TRPM2: variants seen among roughly 807,000 people sequenced by gnomAD.
TRPM2 encodes the protein transient receptor potential cation channel subfamily M member 2.
In TRPM2, 161 loss-of-function variants were observed where a neutral mutation model predicts 174.0. The observed-to-expected ratio is 0.93, with a 90% CI of 0.81 to 1.05. The LOEUF is 1.05. TRPM2 is among the 50% of genes least tolerant of loss of function. TRPM2 has a pLI of 0.00. For missense variants in TRPM2, 2,057 were observed against 2,038.0 expected (o/e 1.01, Z -0.18); for synonymous variants, 954 against 861.3 (o/e 1.11, Z -1.88).
Position 44,437,087 on chromosome 21 carries a change from A to G in TRPM2, c.4087A>G (p.Ile1363Val). The G allele has an allele frequency of 6.4e-7, 1 of 1,551,128 alleles. No individual in the cohort carries two copies. Among genetic ancestry groups the G allele is most frequent in the Non-Finnish European group, 8.7e-7 (1 of 1,146,872 alleles). ...TRWRRNEDGA[I>V]CRKSIKKMLE... Reference sequence around the variant, plus strand: ...GTGGAGGCGGAACGAGGATGGAGCCATCTGCAGGAAGAGCATAAAGAAGAT... The same window carrying G: ...GTGGAGGCGGAACGAGGATGGAGCCGTCTGCAGGAAGAGCATAAAGAAGAT... The change falls in exon 29 of 32, where the codon ATC (isoleucine) becomes GTC (valine). Residue 1363 changes from isoleucine to valine, a missense_variant. Physicochemically the swap from Ile to Val is conservative, Grantham distance 29. Coordinates refer to ENST00000397928, the MANE Select transcript of TRPM2 (RefSeq NM_003307.4).
intron 16 of TRPM2, among the ~76,000 whole-genome samples, chr21:44,403,645 GCACACATGCA>G (rs1332620713): frequency 6.8e-6 from 1 of 147,566 alleles, no homozygotes; most frequent in Admixed American, 6.7e-5. Context: ...ATACACACAT[GCACACATGCA>G]CACACATGCA....
chr21:44,362,365 A>AAAAAAAAAAG (rs1201529326), intron 2 of TRPM2, among the ~76,000 whole-genome samples: 5 of 144,378 alleles, frequency 3.5e-5, no homozygotes, highest in African/African-American at 1.0e-4. Flanking sequence ...AAAAAAAAAA[A>AAAAAAAAAAG]GCCAGATGTG....
At chr21:44,423,485 T>C (rs965963370) in intron 22 of TRPM2, 160 bp from the exon 23 acceptor site, 1 of 649,778 alleles carries the variant, frequency 1.5e-6, no homozygotes, top group African/African-American at 1.8e-5. Context: ...TTTGGTTCTA[T>C]GGGAGAAATG....
At position 44,367,822 on chromosome 21, in the gene TRPM2, C is replaced by T. The variant is rs377032180; in HGVS notation, c.604+888C>T. On this transcript the variant is annotated intron_variant, in intron 4 of 31. Transcript: ENST00000397928. This position sits in a 1 kb window ranked among gnomAD's most constrained non-coding sequence, Gnocchi z 4.6. ...TTGTCTGCCTGGTGAGCGTGAGGCACGGCTGCATCTTTTGACCTGTGAGTC... is the reference window on the plus strand; with the variant it reads ...TTGTCTGCCTGGTGAGCGTGAGGCATGGCTGCATCTTTTGACCTGTGAGTC... Among the ~76,000 whole-genome samples, 8 of 152,220 alleles carry T rather than the reference C, an allele frequency of 5.3e-5. No homozygotes were observed. Among genetic ancestry groups the T allele is most frequent in the Non-Finnish European group, 7.3e-5 (5 of 68,042 alleles).
intron 16 of TRPM2, among the ~76,000 whole-genome samples, 198 bp downstream of exon 16, chr21:44,402,095 G>A (rs45585036): frequency 9.9e-5 from 15 of 152,176 alleles, no homozygotes; most frequent in Admixed American, 5.2e-4. Context: ...TGCCCCCTGC[G>A]CCTGCTTCCC....
chr21:44,379,091 C>T lies in TRPM2; in HGVS notation c.1109C>T (p.Pro370Leu), dbSNP rs775330703. Reference protein sequence around the residue: ...ADVIAQVANLPVSDITISLIQ... With the variant: ...ADVIAQVANLLVSDITISLIQ... The stretch of plus-strand genomic sequence containing the variant: ...GTCATTGCCCAGGTGGCCAACCTGC[C>T]TGTCTCGGACATCACTATCTCCCTG... The change falls in exon 8 of 32, where the codon CCT becomes CTT. Residue 370 changes from proline to leucine, a missense_variant. Transcript: ENST00000397928. 63 of 1,613,278 alleles carry T rather than the reference C, an allele frequency of 3.9e-5. No homozygotes were observed. The highest frequency in any genetic ancestry group is 2.9e-5 in the Non-Finnish European group (34 of 1,180,044).
chr21:44,419,098 G>T (rs760101569), intron 22 of TRPM2, among the ~76,000 whole-genome samples: 2 of 152,188 alleles, frequency 1.3e-5, no homozygotes, highest in Non-Finnish European at 2.9e-5. Flanking sequence ...GCCCTGCTAG[G>T]TGTCAGCAGG....
rs1001496181 is a variant in TRPM2 at position 44,442,330 on chromosome 21, A to T, written c.*513A>T. 7 of 152,458 alleles carry T rather than the reference A, an allele frequency of 4.6e-5. No individual in the cohort carries two copies. Among genetic ancestry groups the T allele is most frequent in the Admixed American group, 1.3e-4 (2 of 15,294 alleles). The allele number at this position is 152,458 out of a possible 1,614,324, so 9.4% of individuals were successfully genotyped here. A position where few individuals can be genotyped will look rare whatever the true frequency, so the allele number is the denominator to read the frequency against. On this transcript the variant is annotated 3_prime_UTR_variant, in exon 32 of 32. Coordinates refer to ENST00000397928, the MANE Select transcript of TRPM2 (RefSeq NM_003307.4). ...GCCTTGCCTGGCCTGGGCTAGGGGCACTGTCTGAACTCCTGACTGTCAGGA... is the reference window on the plus strand; with the variant it reads ...GCCTTGCCTGGCCTGGGCTAGGGGCTCTGTCTGAACTCCTGACTGTCAGGA...
chr21:44,365,083 A>G (rs2048321575), intron 3 of TRPM2, among the ~76,000 whole-genome samples: 1 of 149,518 alleles, frequency 6.7e-6, no homozygotes, highest in African/African-American at 2.5e-5. Context: ...CGTGTTGACC[A>G]GCCTTCTGGA....
At chr21:44,441,058 C>G (rs2051484405) in intron 31 of TRPM2, among the ~76,000 whole-genome samples, 153 bp downstream of exon 31, 1 of 152,160 alleles carries the variant, frequency 6.6e-6, no homozygotes, top group Non-Finnish European at 1.5e-5. Flanking sequence ...AAGGCGGGGA[C>G]CGGGGTCTGG....
At chr21:44,421,245 G>A (rs1415814849) in intron 22 of TRPM2, among the ~76,000 whole-genome samples, 1 of 152,050 alleles carries the variant, frequency 6.6e-6, no homozygotes, top group African/African-American at 2.4e-5. Context: ...TTGAACCCAG[G>A]AGGCGGAGGT....
intron 30 of TRPM2, among the ~76,000 whole-genome samples, chr21:44,440,285 G>A (rs1473724100): frequency 1.7e-4 from 5 of 30,108 alleles, no homozygotes; most frequent in Non-Finnish European, 3.8e-4. Context: ...GCAGTGAGCC[G>A]AGGTTGCACC....
intron 17 of TRPM2, 116 bp downstream of exon 17, chr21:44,405,376 C>T (rs776911829): frequency 2.0e-6 from 3 of 1,472,836 alleles, no homozygotes; most frequent in Non-Finnish European, 2.7e-6. Flanking sequence ...GTCTGTGAAC[C>T]CTGGATTGTC....
intron 9 of TRPM2, among the ~76,000 whole-genome samples, chr21:44,383,209 T>C (rs995684774): frequency 3.9e-5 from 6 of 152,114 alleles, no homozygotes; most frequent in African/African-American, 1.4e-4. Flanking sequence ...GCCTCAGGAA[T>C]GGTGTGATGG....
rs764836532 is a variant in TRPM2, at chr21:44,406,675, CACA to C, written c.2875_2877del (p.Asn959del). The stretch of plus-strand genomic sequence containing the variant: ...GGTGGCCAAGCAGGCCATCCTCATC[CACA>C]ACGAGCGCCGGGTGGACTGGCTGTT... On this transcript the variant is annotated inframe_deletion, in exon 19 of 32. Transcript: ENST00000397928. 19 of 1,610,638 alleles carry C rather than the reference CACA, an allele frequency of 1.2e-5. No individual in the cohort carries two copies. The South Asian group carries it at 2.1e-4, about 18-fold the overall frequency.
chr21:44,400,030 G>A (rs760409835), intron 14 of TRPM2, among the ~76,000 whole-genome samples: 26 of 152,184 alleles, frequency 1.7e-4, no homozygotes, highest in Non-Finnish European at 3.2e-4. Context: ...CTGCAACTGC[G>A]GGGCCTTCGA....
rs373076466 is a variant in TRPM2, at chr21:44,366,747, C to T, written c.424-7C>T. 6.8e-6 allele frequency: 11 copies of T among 1,613,836 alleles called. No individual in the cohort carries two copies. The highest frequency in any genetic ancestry group is 6.8e-6 in the Non-Finnish European group (8 of 1,179,992). On this transcript the variant is annotated splice_region_variant and splice_polypyrimidine_tract_variant and intron_variant, in intron 3 of 31. Coordinates refer to ENST00000397928, the MANE Select transcript of TRPM2 (RefSeq NM_003307.4). This position sits in a 1 kb window ranked among gnomAD's most constrained non-coding sequence, Gnocchi z 6.0. ...AGGTTCCCTCCGCCGTTTTCCCTTTCCCGCAGTACGTCCGAGTCTCCCAGG... is the reference window on the plus strand; with the variant it reads ...AGGTTCCCTCCGCCGTTTTCCCTTTTCCGCAGTACGTCCGAGTCTCCCAGG...
At position 44,437,141 on chromosome 21, in the gene TRPM2, C is replaced by T. The variant is rs2051302624; in HGVS notation, c.4141C>T (p.Leu1381Phe). 5.2e-6 allele frequency: 8 copies of T among 1,551,420 alleles called. No individual in the cohort carries two copies. The highest frequency in any genetic ancestry group is 6.1e-6 in the Non-Finnish European group (7 of 1,146,896). Residue 1381 changes from leucine (L) to phenylalanine (F), a missense_variant, in exon 29 of 32, where the codon CTC becomes TTC. Transcript: ENST00000397928. ...MLEVLVVKLP[L>F]SEHWALPGGS... ...GGAAGTGCTGGTGGTGAAGCTCCCT[C>T]TCTCCGAGCACTGGGCCCTGCCTGG...
At chr21:44,403,571 T>C (rs528551060) in intron 16 of TRPM2, among the ~76,000 whole-genome samples, 7 of 150,434 alleles carry the variant, frequency 4.7e-5, no homozygotes, top group East Asian at 2.0e-4. Flanking sequence ...CATGCATATG[T>C]ACACACATAC....
Sources: gnomAD v4.1 joint callset for allele counts (sites outside exome capture counted in the v4.1 genomes callset) on GRCh38, gnomAD v4.1.1 for gene constraint, Gnocchi (gnomAD v3.1) non-coding constraint, MANE v1.5 for transcripts, NCBI Gene and HGNC (gene_info 2026-07-23, HGNC 2026-07-21) for gene names.